NSL1: variants seen among roughly 807,000 people sequenced by gnomAD.
NSL1 encodes kinetochore-associated protein NSL1 homolog.
A neutral mutation model predicts 25.4 loss-of-function variants in NSL1; 11 were observed. The observed-to-expected ratio is 0.43, with a 90% CI of 0.27 to 0.72. NSL1 has a LOEUF of 0.72. NSL1 is among the 30% of genes least tolerant of loss of function. The pLI, the probability that NSL1 is intolerant of heterozygous loss-of-function variation, is 0.19. For synonymous variants in NSL1, 118 were observed against 120.6 expected (o/e 0.98, Z 0.14); for missense variants, 330 against 342.7 (o/e 0.96, Z 0.29).
intron 4 of NSL1, among the ~76,000 whole-genome samples, chr1:212,771,606 T>G (rs1026390971): frequency 2.1e-5 from 1 of 47,338 alleles, no homozygotes; most frequent in African/African-American, 5.7e-5. Context: ...ACCTAAAGAC[T>G]CCACCAAAAA....
chr1:212,785,592 T>C (rs1007100534), intron 2 of NSL1, among the ~76,000 whole-genome samples: 2 of 152,120 alleles, frequency 1.3e-5, no homozygotes, highest in Admixed American at 6.5e-5. Context: ...CATGCGGTGT[T>C]TGGTTTTCAG....
intron 4 of NSL1, among the ~76,000 whole-genome samples, chr1:212,762,409 G>A (rs1659618607): frequency 6.6e-6 from 1 of 151,754 alleles, no homozygotes; most frequent in Non-Finnish European, 1.5e-5. Context: ...GGTTAGACAA[G>A]CTTGAATTAG....
Position 212,729,856 on chromosome 1 carries a change from AGG to A in NSL1, c.*8550_*8551del, listed in dbSNP as rs1451892580. ...GCAAAGGGCAGTGATGTGTGGACGA[AGG>A]GGTTGCTGGGGTGACCCAGGCAGCA... is the stretch of plus-strand genomic sequence containing the variant. On this transcript the variant is annotated 3_prime_UTR_variant, in exon 6 of 6. Coordinates refer to ENST00000366977, the MANE Select transcript of NSL1 (RefSeq NM_015471.4). The A allele has an allele frequency of 1.0e-6, 1 of 985,152 alleles. No homozygotes were observed. The highest frequency in any genetic ancestry group is 1.2e-6 in the Non-Finnish European group (1 of 829,894). The allele number at this position is 985,152 out of a possible 1,614,324, so 61.0% of individuals were successfully genotyped here.
At position 212,782,568 on chromosome 1, in the gene NSL1, G is replaced by A. The variant is rs111873815; in HGVS notation, c.445-142C>T. Reference sequence around the variant, plus strand: ...ATTAAATCCTACTGTCTGTAGGGAAGAGGAGGTGAGAAGGTAAAACCAAAC... The same window carrying A: ...ATTAAATCCTACTGTCTGTAGGGAAAAGGAGGTGAGAAGGTAAAACCAAAC... On this transcript the variant is annotated intron_variant, in intron 3 of 5. Transcript: ENST00000366977. 3,056 of 648,936 alleles carry A rather than the reference G, an allele frequency of 4.7e-3. 75 individuals are homozygous for A. The African/African-American group carries it at 0.052, about 11-fold the overall frequency. 40.2% of individuals were successfully genotyped at this position (648,936 alleles called of 1,614,324 possible). A position where few individuals can be genotyped will look rare whatever the true frequency, so the allele number is the denominator to read the frequency against.
chr1:212,761,481 A>C (rs1659562042), intron 4 of NSL1, among the ~76,000 whole-genome samples: 1 of 152,202 alleles, frequency 6.6e-6, no homozygotes, highest in Admixed American at 6.5e-5. Flanking sequence ...CTTTACAAAA[A>C]ACACAAAAAT....
In NSL1 at chr1:212,736,246, C is replaced by T; in HGVS notation, c.*2162G>A. On this transcript the variant is annotated 3_prime_UTR_variant, in exon 6 of 6. Coordinates refer to ENST00000366977, the MANE Select transcript of NSL1 (RefSeq NM_015471.4). ...AGAAATGGAGTTTCACTATGTTGCC[C>T]AGGCTGGGCTCAAGTAATCTGTCCA... The T allele has an allele frequency of 4.0e-6, 3 of 750,924 alleles. No homozygotes were observed. The highest frequency in any genetic ancestry group is 4.9e-6 in the Non-Finnish European group (3 of 616,074). The allele number at this position is 750,924 out of a possible 1,614,324, so 46.5% of individuals were successfully genotyped here. A position where few individuals can be genotyped will look rare whatever the true frequency, so the allele number is the denominator to read the frequency against.
rs1657981209 is a variant in NSL1, at chr1:212,730,756, A to AG, written c.*7651dup. 2 of 985,316 alleles carry AG rather than the reference A, an allele frequency of 2.0e-6. No individual in the cohort carries two copies. Among genetic ancestry groups the AG allele is most frequent in the East Asian group, 2.3e-4 (2 of 8,834 alleles). 61.0% of individuals were successfully genotyped at this position (985,316 alleles called of 1,614,324 possible). ...ACTTAGTTCTAGTAGACGTAGTTCT[A>AG]GTAGACAGGAGACTCTGGAGTCCTA... is the stretch of plus-strand genomic sequence containing the variant. On this transcript the variant is annotated 3_prime_UTR_variant, in exon 6 of 6. Transcript: ENST00000366977.
chr1:212,750,122 A>G lies in NSL1; in HGVS notation c.500-10521T>C, dbSNP rs923033640. 5.9e-5 allele frequency among the ~76,000 whole-genome samples: 9 copies of G among 151,842 alleles called. No homozygotes were observed. In the South Asian group the frequency reaches 1.7e-3, roughly 28 times the overall value. ...ACATTCTTTTAATCTCAGAATCCCT[A>G]ATGTTGAACAGAGTGCCTAACGTGT... On this transcript the variant is annotated intron_variant, in intron 4 of 5. Coordinates refer to ENST00000366977, the MANE Select transcript of NSL1 (RefSeq NM_015471.4).
intron 4 of NSL1, among the ~76,000 whole-genome samples, chr1:212,750,078 T>C (rs1658994701): frequency 6.6e-6 from 1 of 151,460 alleles, no homozygotes; most frequent in Non-Finnish European, 1.5e-5. Flanking sequence ...CTTCCAGAAC[T>C]CCCTTGGGAA....
rs1288471793 is a variant in NSL1, at chr1:212,735,025, CTA to C, written c.*3381_*3382del. On this transcript the variant is annotated 3_prime_UTR_variant, in exon 6 of 6. Coordinates refer to ENST00000366977, the MANE Select transcript of NSL1 (RefSeq NM_015471.4). ...AACTCATTTACTTCTCAGAATAACG[CTA>C]TGAGGTAGGCATAATTATTATCCCC... Among the ~76,000 whole-genome samples the C allele has an allele frequency of 1.3e-5, 2 of 152,202 alleles. No homozygotes were observed. The highest frequency in any genetic ancestry group is 4.8e-5 in the African/African-American group (2 of 41,446).
At position 212,729,562 on chromosome 1, in the gene NSL1, A is replaced by G. The variant is rs1657923720; in HGVS notation, c.*8846T>C. ...CTTTGCCCATTTTTATTATTCTGCCAGTGTCATCCCCTCATTTCTACACTT... is the reference window on the plus strand; with the variant it reads ...CTTTGCCCATTTTTATTATTCTGCCGGTGTCATCCCCTCATTTCTACACTT... On this transcript the variant is annotated 3_prime_UTR_variant, in exon 6 of 6. Transcript: ENST00000366977. 2 of 985,280 alleles carry G rather than the reference A, an allele frequency of 2.0e-6. 1 individual carries two copies. The highest frequency in any genetic ancestry group is 9.4e-5 in the South Asian group (2 of 21,286). The allele number at this position is 985,280 out of a possible 1,614,324, so 61.0% of individuals were successfully genotyped here.
intron 1 of NSL1, among the ~76,000 whole-genome samples, chr1:212,788,427 C>T (rs1251991624): frequency 1.3e-5 from 2 of 152,156 alleles, no homozygotes; most frequent in African/African-American, 2.4e-5. Context: ...ATTTTGACAA[C>T]TGTTGAGTTT....
intron 4 of NSL1, among the ~76,000 whole-genome samples, chr1:212,779,237 G>T (rs1374115336): frequency 1.5e-5 from 2 of 132,818 alleles, no homozygotes; most frequent in Non-Finnish European, 3.4e-5. Flanking sequence ...GAGGTGGGGG[G>T]TGGGGTCAGC....
intron 4 of NSL1, among the ~76,000 whole-genome samples, chr1:212,772,622 A>G (rs1033710019): frequency 6.6e-6 from 1 of 152,202 alleles, no homozygotes; most frequent in Non-Finnish European, 1.5e-5. Flanking sequence ...GGTTGCAGTG[A>G]GCTGAGACTG....
At chr1:212,772,138 T>C (rs1414147489) in intron 4 of NSL1, among the ~76,000 whole-genome samples, 2 of 152,206 alleles carry the variant, frequency 1.3e-5, no homozygotes, top group Non-Finnish European at 2.9e-5. Context: ...CTCAGGCATG[T>C]TGAACTGTGA....
At chr1:212,791,422 G>A (rs1661255107) in intron 1 of NSL1, 108 bp downstream of exon 1, 2 of 993,566 alleles carry the variant, frequency 2.0e-6, no homozygotes, top group South Asian at 3.0e-5. Context: ...AGTAGCCTGG[G>A]GCACCGTTAA....
In NSL1 at chr1:212,770,626, A is replaced by G. The variant is rs576665502; in HGVS notation, c.499+11746T>C. ...AATTCTACCAAACTTATAAAGAAGA[A>G]TTAACATCAATTCTTTTCAAACTAT... On this transcript the variant is annotated intron_variant, in intron 4 of 5. Coordinates refer to ENST00000366977, the MANE Select transcript of NSL1 (RefSeq NM_015471.4). Among the ~76,000 whole-genome samples the G allele has an allele frequency of 2.5e-3, 379 of 152,346 alleles. 3 individuals are homozygous for G. Among genetic ancestry groups the G allele is most frequent in the African/African-American group, 8.7e-3 (363 of 41,586 alleles).
At chr1:212,743,321 T>C (rs887056696) in intron 4 of NSL1, among the ~76,000 whole-genome samples, 4 of 152,092 alleles carry the variant, frequency 2.6e-5, no homozygotes, top group African/African-American at 7.2e-5. Context: ...TGCACCACCA[T>C]GCCCAGCTAA....
At position 212,729,359 on chromosome 1, in the gene NSL1, G is replaced by A. The variant is rs991321514; in HGVS notation, c.*9049C>T. 1.0e-6 allele frequency: 1 copy of A among 981,150 alleles called. No individual in the cohort carries two copies. The highest frequency in any genetic ancestry group is 1.2e-6 in the Non-Finnish European group (1 of 826,074). The allele number at this position is 981,150 out of a possible 1,614,324, so 60.8% of individuals were successfully genotyped here. A position where few individuals can be genotyped will look rare whatever the true frequency, so the allele number is the denominator to read the frequency against. ...GCTTGTGGGCAGGGTCTGTGCCTTG[G>A]TTTACAGGTGTACATCCACACAGCT... On this transcript the variant is annotated 3_prime_UTR_variant, in exon 6 of 6. Coordinates refer to ENST00000366977, the MANE Select transcript of NSL1 (RefSeq NM_015471.4).
Sources: gnomAD v4.1 joint callset for allele counts (sites outside exome capture counted in the v4.1 genomes callset) on GRCh38, gnomAD v4.1.1 for gene constraint, MANE v1.5 for transcripts, NCBI Gene and HGNC (gene_info 2026-07-23, HGNC 2026-07-21) for gene names.